Variants in NUF2 observed in about 807,000 individuals in gnomAD.
NUF2 encodes NUF2 component of NDC80 kinetochore complex.
Under a neutral mutation model 61.8 loss-of-function variants are expected in NUF2, and 34 were observed. The observed-to-expected ratio is 0.55, with a 90% CI of 0.42 to 0.73. The LOEUF (loss-of-function observed/expected upper bound fraction) is 0.73. NUF2 is among the 30% of genes least tolerant of loss of function. The pLI, the probability that NUF2 is intolerant of heterozygous loss-of-function variation, is 0.00. For synonymous variants in NUF2, 172 were observed against 181.6 expected (o/e 0.95, Z 0.42); for missense variants, 445 against 539.1 (o/e 0.83, Z 1.73).
At chr1:163,348,602 C>A (rs1651211433) in intron 12 of NUF2, among the ~76,000 whole-genome samples, 2 of 152,104 alleles carry the variant, frequency 1.3e-5, no homozygotes. Context: ...TAAACTGATT[C>A]ACATTCCCAC....
At chr1:163,341,907 G>A (rs976561647) in intron 9 of NUF2, among the ~76,000 whole-genome samples, 7 of 152,152 alleles carry the variant, frequency 4.6e-5, no homozygotes, top group Admixed American at 2.6e-4. Flanking sequence ...CAGGATTACA[G>A]GTGTGAGCCA....
chr1:163,347,571 C>T (rs1651174173), intron 11 of NUF2, among the ~76,000 whole-genome samples, 192 bp from the exon 12 acceptor site: 1 of 152,216 alleles, frequency 6.6e-6, no homozygotes, highest in Non-Finnish European at 1.5e-5. Flanking sequence ...TGTCCTTTCT[C>T]AGTATCTCTG....
chr1:163,343,977 C>T, intron 10 of NUF2, 107 bp downstream of exon 10: 1 of 586,868 alleles, frequency 1.7e-6, no homozygotes, highest in South Asian at 6.0e-5. Flanking sequence ...CTATACTTCT[C>T]TTCCTCTTAA....
intron 12 of NUF2, among the ~76,000 whole-genome samples, chr1:163,348,223 T>C (rs1651200492): frequency 6.6e-6 from 1 of 152,150 alleles, no homozygotes; most frequent in Non-Finnish European, 1.5e-5. Flanking sequence ...CATTGCACTT[T>C]AGAGATAGTG....
At chr1:163,353,997 A>G (rs1312901579) in intron 13 of NUF2, among the ~76,000 whole-genome samples, 1 of 152,208 alleles carries the variant, frequency 6.6e-6, no homozygotes, top group Non-Finnish European at 1.5e-5. Context: ...TCTCATAAGG[A>G]ATATCTTCCT....
At chr1:163,322,716 G>C (rs1415986056) in intron 1 of NUF2, among the ~76,000 whole-genome samples, 1 of 152,224 alleles carries the variant, frequency 6.6e-6, no homozygotes, top group Non-Finnish European at 1.5e-5. Flanking sequence ...ATTTAACAGA[G>C]TACTTTTAGT....
At position 163,329,592 on chromosome 1, in the gene NUF2, C is replaced by G. The variant is rs112804178; in HGVS notation, c.337+685C>G. Among the ~76,000 whole-genome samples the G allele has an allele frequency of 1.3e-3, 197 of 152,234 alleles. 1 individual carries two copies. The highest frequency in any genetic ancestry group is 4.2e-3 in the African/African-American group (174 of 41,554). ...AGACATGTCACATAGCCAGAGGGAG[C>G]AAAAGCACAATGGGGAAGGTGCCAC... On this transcript the variant is annotated intron_variant, in intron 5 of 13. Coordinates refer to ENST00000271452, the MANE Select transcript of NUF2 (RefSeq NM_145697.3).
chr1:163,333,760 AAACACCTTAATCGATATTAGATTTG>A (rs1650671885), intron 5 of NUF2, among the ~76,000 whole-genome samples: 1 of 152,198 alleles, frequency 6.6e-6, no homozygotes, highest in Admixed American at 6.5e-5. Flanking sequence ...CAGATATCAT[AAACACCTTAATCGATATTAGATTTG>A]TGTGAAACAG....
chr1:163,342,665 C>CAT lies in NUF2; in HGVS notation c.670-1057_670-1056dup, dbSNP rs375180259. The stretch of plus-strand genomic sequence containing the variant: ...CTTTACATACACACACCCACACATA[C>CAT]ATATATATATATGTATGTATATAGA... On this transcript the variant is annotated intron_variant, in intron 9 of 13. Coordinates refer to ENST00000271452, the MANE Select transcript of NUF2 (RefSeq NM_145697.3). Among the ~76,000 whole-genome samples the CAT allele has an allele frequency of 1.1e-3, 164 of 151,476 alleles. 1 individual carries two copies. The highest frequency in any genetic ancestry group is 3.7e-3 in the African/African-American group (152 of 41,266).
chr1:163,332,238 G>T (rs1284088883), intron 5 of NUF2, among the ~76,000 whole-genome samples: 2 of 151,694 alleles, frequency 1.3e-5, no homozygotes, highest in Admixed American at 6.6e-5. Context: ...TCATGTATGG[G>T]TTATTTATAA....
intron 13 of NUF2, among the ~76,000 whole-genome samples, chr1:163,354,227 G>A (rs1651416410): frequency 6.6e-6 from 1 of 152,004 alleles, no homozygotes; most frequent in South Asian, 2.1e-4. Flanking sequence ...TATCATAGTT[G>A]TAGTAATTTG....
chr1:163,328,598 A>G (rs537755295), intron 4 of NUF2: 31 of 503,732 alleles, frequency 6.2e-5, no homozygotes, highest in African/African-American at 5.6e-4. Flanking sequence ...TAGTGTCACC[A>G]AGTTTATGTA....
intron 1 of NUF2, chr1:163,322,811 T>G (rs921937937): frequency 6.6e-6 from 1 of 152,256 alleles, no homozygotes; most frequent in African/African-American, 2.4e-5. Flanking sequence ...TGCTACTCGT[T>G]AGACAGAGTA....
chr1:163,327,129 C>T (rs1650449155), intron 2 of NUF2, among the ~76,000 whole-genome samples: 5 of 106,992 alleles, frequency 4.7e-5, no homozygotes, highest in African/African-American at 1.6e-4. Flanking sequence ...CACACACACA[C>T]ACACACACAC....
At chr1:163,338,236 T>A in intron 7 of NUF2, 143 bp downstream of exon 7, 1 of 363,078 alleles carries the variant, frequency 2.8e-6, no homozygotes, top group Non-Finnish European at 4.8e-6. Flanking sequence ...TTGCCTTTTC[T>A]TAAAAAAAAA....
At chr1:163,332,346 G>A (rs889415606) in intron 5 of NUF2, among the ~76,000 whole-genome samples, 1 of 152,010 alleles carries the variant, frequency 6.6e-6, no homozygotes, top group Non-Finnish European at 1.5e-5. Context: ...AATATACTTT[G>A]TATCATTTGA....
intron 1 of NUF2, among the ~76,000 whole-genome samples, chr1:163,324,973 T>C (rs897277046): frequency 6.6e-6 from 1 of 151,284 alleles, no homozygotes; most frequent in African/African-American, 2.4e-5. Context: ...CTCAGTTCAT[T>C]GCAACTTCTG....
chr1:163,328,977 G>GAA, intron 5 of NUF2, 70 bp downstream of exon 5: 1 of 422,874 alleles, frequency 2.4e-6, no homozygotes, highest in Non-Finnish European at 3.9e-6. Context: ...ATCAGTAAAT[G>GAA]TAAAAAAAAA....
At position 163,328,478 on chromosome 1, in the gene NUF2, C is replaced by T. The variant is rs1650498643; in HGVS notation, c.275+174C>T. On this transcript the variant is annotated intron_variant, in intron 4 of 13. Transcript: ENST00000271452. ...TGTAGACTGTCATCAAACAGAACTG[C>T]CTCCAACTGTGCCACTTTCTCAGCA... 13 of 514,928 alleles carry T rather than the reference C, an allele frequency of 2.5e-5. No individual in the cohort carries two copies. The East Asian group carries it at 3.7e-4, about 15-fold the overall frequency. The allele number at this position is 514,928 out of a possible 1,614,324, so 31.9% of individuals were successfully genotyped here.
Sources: gnomAD v4.1 joint callset for allele counts (sites outside exome capture counted in the v4.1 genomes callset) on GRCh38, gnomAD v4.1.1 for gene constraint, MANE v1.5 for transcripts, NCBI Gene and HGNC (gene_info 2026-07-23, HGNC 2026-07-21) for gene names.